Variants in ERBB4 observed in about 807,000 individuals in gnomAD.
The protein encoded by ERBB4 is erb-b2 receptor tyrosine kinase 4.
ERBB4 carries 42 observed loss-of-function variants against 158.0 expected under a neutral mutation model. That is an observed-to-expected ratio of 0.27 (90% CI 0.21 to 0.34). ERBB4 has a LOEUF of 0.34. ERBB4 is among the 10% of genes least tolerant of loss of function. The probability of loss-of-function intolerance (pLI) is 1.00; values close to 1 mark genes in which losing one functional copy is unlikely to be tolerated. For missense variants in ERBB4, 1,333 were observed against 1,624.1 expected (o/e 0.82, Z 3.08); for synonymous variants, 583 against 558.7 (o/e 1.04, Z -0.61).
intron 5 of ERBB4, among the ~76,000 whole-genome samples, chr2:211,742,402 T>C (rs1575080933): frequency 1.3e-5 from 2 of 152,358 alleles, no homozygotes; most frequent in African/African-American, 4.8e-5. Context: ...TGGAGAAAGA[T>C]ACAATTTAAT....
chr2:211,409,958 C>T (rs1455366076), intron 25 of ERBB4, among the ~76,000 whole-genome samples: 1 of 152,190 alleles, frequency 6.6e-6, no homozygotes, highest in Non-Finnish European at 1.5e-5. Flanking sequence ...CGTACTACAA[C>T]AGTGCATCTC....
chr2:211,486,944 A>C (rs2065219866), intron 20 of ERBB4, among the ~76,000 whole-genome samples: 1 of 151,712 alleles, frequency 6.6e-6, no homozygotes, highest in South Asian at 2.1e-4. Flanking sequence ...TCATCAGATA[A>C]TATATTCTTA....
intron 2 of ERBB4, among the ~76,000 whole-genome samples, chr2:212,060,263 C>T (rs2077718588): frequency 6.6e-6 from 1 of 152,004 alleles, no homozygotes; most frequent in Non-Finnish European, 1.5e-5. Context: ...CAATGAGATA[C>T]CATCTCACAC....
intron 12 of ERBB4, among the ~76,000 whole-genome samples, chr2:211,696,135 T>G (rs2073015503): frequency 6.7e-6 from 1 of 148,470 alleles, no homozygotes; most frequent in African/African-American, 2.5e-5. Flanking sequence ...TCTTTCTCTC[T>G]TTCCTCACTT....
At chr2:212,165,827 T>C (rs1165505444) in intron 1 of ERBB4, among the ~76,000 whole-genome samples, 3 of 152,186 alleles carry the variant, frequency 2.0e-5, no homozygotes, top group East Asian at 3.9e-4. Flanking sequence ...GATTCTCTGT[T>C]ACATAAAACA....
At chr2:211,737,451 G>A (rs969895401) in intron 5 of ERBB4, among the ~76,000 whole-genome samples, 2 of 152,114 alleles carry the variant, frequency 1.3e-5, no homozygotes, top group African/African-American at 2.4e-5. Flanking sequence ...AATGATTCAT[G>A]AGGTTGGAAT....
At chr2:211,662,579 A>G (rs1047444937) in intron 15 of ERBB4, among the ~76,000 whole-genome samples, 1 of 152,218 alleles carries the variant, frequency 6.6e-6, no homozygotes, top group Non-Finnish European at 1.5e-5. Context: ...CTGAAGAGTG[A>G]ATAAACTAAG....
At chr2:212,207,207 TA>T (rs1036637057) in intron 1 of ERBB4, among the ~76,000 whole-genome samples, 2 of 152,072 alleles carry the variant, frequency 1.3e-5, no homozygotes, top group African/African-American at 2.4e-5. Flanking sequence ...TTATTAAGGA[TA>T]AAAGAGCTTC....
At chr2:212,298,330 TG>T (rs1204754447) in intron 1 of ERBB4, among the ~76,000 whole-genome samples, 4 of 151,868 alleles carry the variant, frequency 2.6e-5, no homozygotes, top group African/African-American at 9.7e-5. Flanking sequence ...TTTATCTTTC[TG>T]TATCATCTAA....
At chr2:212,188,337 T>C (rs2082093196) in intron 1 of ERBB4, among the ~76,000 whole-genome samples, 1 of 144,220 alleles carries the variant, frequency 6.9e-6, no homozygotes, top group African/African-American at 2.5e-5. Flanking sequence ...ACTACAACTC[T>C]AGGATAAACT....
At chr2:211,967,854 A>C (rs926156323) in intron 2 of ERBB4, among the ~76,000 whole-genome samples, 1 of 151,928 alleles carries the variant, frequency 6.6e-6, no homozygotes, top group African/African-American at 2.4e-5. Flanking sequence ...ATATTATTTT[A>C]TATCCTTTTT....
chr2:211,441,313 A>C (rs1304755421), intron 20 of ERBB4, among the ~76,000 whole-genome samples: 1 of 152,164 alleles, frequency 6.6e-6, no homozygotes, highest in Non-Finnish European at 1.5e-5. Flanking sequence ...ACATTACTTA[A>C]AATGTGAATC....
rs193167609 is a variant in ERBB4 at position 211,644,216 on chromosome 2, T to C, written c.1946+13538A>G. ...TGTTTTTAACTTAGAATTGATTAGT[T>C]TTTATATTCTAAGAGGAGGTTTATT... On this transcript the variant is annotated intron_variant, in intron 16 of 27. Coordinates refer to ENST00000342788, the MANE Select transcript of ERBB4 (RefSeq NM_005235.3). 2.9e-4 allele frequency among the ~76,000 whole-genome samples: 44 copies of C among 152,136 alleles called. No homozygotes were observed. In the East Asian group the frequency reaches 5.8e-3, roughly 20 times the overall value.
At chr2:211,422,796 T>C (rs1162915617) in intron 23 of ERBB4, among the ~76,000 whole-genome samples, 4 of 151,886 alleles carry the variant, frequency 2.6e-5, no homozygotes, top group African/African-American at 7.2e-5. Flanking sequence ...GTTTTCTTGG[T>C]TTTACATAAT....
In ERBB4 at chr2:211,580,866, CATATATATATATATATAT is replaced by C. The variant is rs56892079; in HGVS notation, c.2302-18796_2302-18779del. On this transcript the variant is annotated intron_variant, in intron 19 of 27. Coordinates refer to ENST00000342788, the MANE Select transcript of ERBB4 (RefSeq NM_005235.3). ...ATATTATATATATAGTATGCATATACATATATATATATATATATATATATATATATATATATATATATA... is the reference window on the plus strand; with the variant it reads ...ATATTATATATATAGTATGCATATACATATATATATATATATATATATATA... Among the ~76,000 whole-genome samples, 23 of 64,170 alleles carry C rather than the reference CATATATATATATATATAT, an allele frequency of 3.6e-4. 4 individuals carry two copies. The highest frequency in any genetic ancestry group is 1.9e-3 in the South Asian group (4 of 2,054). The allele number at this position is 64,170 out of a possible 152,430, so 42.1% of individuals were successfully genotyped here. A position where few individuals can be genotyped will look rare whatever the true frequency, so the allele number is the denominator to read the frequency against.
intron 1 of ERBB4, among the ~76,000 whole-genome samples, chr2:212,308,451 C>T (rs1375560923): frequency 6.6e-6 from 1 of 150,964 alleles, no homozygotes; most frequent in African/African-American, 2.4e-5. Flanking sequence ...TGAAACGTCT[C>T]ATTGCTACCT....
At chr2:212,263,375 A>G (rs998519698) in intron 1 of ERBB4, among the ~76,000 whole-genome samples, 26 of 152,126 alleles carry the variant, frequency 1.7e-4, no homozygotes, top group African/African-American at 5.6e-4. Flanking sequence ...AACATTACCA[A>G]ATTGGTTAGC....
intron 2 of ERBB4, among the ~76,000 whole-genome samples, chr2:211,956,054 G>C (rs1015597602): frequency 6.6e-5 from 10 of 151,636 alleles, no homozygotes; most frequent in Admixed American, 6.6e-4. Context: ...GTGTGTGTGT[G>C]TGTGTGTGTA....
At chr2:211,800,149 G>C (rs946756852) in intron 3 of ERBB4, among the ~76,000 whole-genome samples, 2 of 152,184 alleles carry the variant, frequency 1.3e-5, no homozygotes, top group African/African-American at 2.4e-5. Context: ...CTCATGCATA[G>C]TTGGGGATCA....
Sources: allele counts gnomAD v4.1 joint callset (sites outside exome capture counted in the v4.1 genomes callset), GRCh38; gene constraint gnomAD v4.1.1; transcripts MANE v1.5; gene names NCBI Gene and HGNC (gene_info 2026-07-23, HGNC 2026-07-21).